Variants in OR2G2 observed in about 807,000 individuals in gnomAD.
OR2G2 encodes olfactory receptor 2G2.
For missense variants in OR2G2, 460 were observed against 389.7 expected (o/e 1.18, Z -1.52); for synonymous variants, 176 against 152.4 (o/e 1.16, Z -1.14).
At position 247,588,665 on chromosome 1, in the gene OR2G2, T is replaced by A; in HGVS notation, c.306T>A (p.Val102=). The A allele has an allele frequency of 1.2e-6, 2 of 1,614,212 alleles. No individual in the cohort carries two copies. The highest frequency in any genetic ancestry group is 3.3e-5 in the Admixed American group (2 of 60,030). Residue 102 remains valine, a synonymous_variant, in exon 1 of 1, where the codon GTT becomes GTA. Transcript: ENST00000320065. Reference sequence around the variant, plus strand: ...CTATCGCCTATGGTGGCTGTTTGGTTCACCTTTACAACTCCCATGCCCTGG... The same window carrying A: ...CTATCGCCTATGGTGGCTGTTTGGTACACCTTTACAACTCCCATGCCCTGG... ...MKTIAYGGCL[V]HLYNSHALGS...
In OR2G2 at chr1:247,588,749, C is replaced by T. The variant is rs759903518; in HGVS notation, c.390C>T (p.Cys130=). The T allele has an allele frequency of 4.3e-6, 7 of 1,614,184 alleles. No individual in the cohort carries two copies. The highest frequency in any genetic ancestry group is 5.9e-6 in the Non-Finnish European group (7 of 1,180,034). The change falls in exon 1 of 1, where the codon TGC becomes TGT. Residue 130 remains cysteine (C), a synonymous_variant. Transcript: ENST00000320065. ...CCTGTGACCGCTATGTGGCTGTCTG[C>T]CGTCCTCTCCATTACACTGTCTTAA... ...VMSCDRYVAV[C]RPLHYTVLMH...
rs752602223 is a variant in OR2G2, at chr1:247,588,923, C to G, written c.564C>G (p.Ile188Met). ...DHFICEVPVL[I>M]KLACVGTTFN... is the part of the protein sequence containing the mutation. ...TCATCTGCGAGGTCCCTGTGCTCAT[C>G]AAGCTGGCTTGTGTGGGCACCACGT... is the stretch of plus-strand genomic sequence containing the variant. Residue 188 changes from isoleucine (I) to methionine (M), a missense_variant, in exon 1 of 1, where the codon ATC becomes ATG. Ile to Met is a conservative substitution (Grantham distance 10, BLOSUM62 1). Transcript: ENST00000320065. 6.2e-7 allele frequency: 1 copy of G among 1,614,262 alleles called. No homozygotes were observed. Among genetic ancestry groups the G allele is most frequent in the South Asian group, 1.1e-5 (1 of 91,088 alleles).
In OR2G2 at chr1:247,589,208, G is replaced by A; in HGVS notation, c.849G>A (p.Val283=). The change falls in exon 1 of 1, where the codon GTG becomes GTA. Residue 283 remains valine (V), a synonymous_variant. Transcript: ENST00000320065. ...QGKFVSLFYT[V]VTRMLNPLIY... ...AGTTTGTTTCTCTCTTCTACACTGT[G>A]GTAACCCGCATGCTTAACCCTCTTA... 1 of 1,613,972 alleles carries A rather than the reference G, an allele frequency of 6.2e-7. No individual in the cohort carries two copies. The highest frequency in any genetic ancestry group is 8.5e-7 in the Non-Finnish European group (1 of 1,179,952).
Position 247,588,686 on chromosome 1 carries a change from C to T in OR2G2, c.327C>T (p.Ala109=). 6.2e-7 allele frequency: 1 copy of T among 1,614,154 alleles called. No individual in the cohort carries two copies. Among genetic ancestry groups the T allele is most frequent in the Non-Finnish European group, 8.5e-7 (1 of 1,180,000 alleles). Residue 109 remains alanine, a synonymous_variant, in exon 1 of 1, where the codon GCC becomes GCT. Transcript: ENST00000320065. ...TGGTTCACCTTTACAACTCCCATGC[C>T]CTGGGATCCACTGAGTGCGTCCTCC... The part of the protein sequence containing the change: ...GCLVHLYNSH[A]LGSTECVLPA...
Position 247,588,617 on chromosome 1 carries a change from A to T in OR2G2, c.258A>T (p.Val86=), listed in dbSNP as rs755530080. The change falls in exon 1 of 1, where the codon GTA becomes GTT. Residue 86 remains valine, a synonymous_variant. Transcript: ENST00000320065. ...GCAGTGTTATTCCCCAGCTCCTGGT[A>T]AACCTGTGGGAACCCATGAAAACTA... ...FTSSVIPQLL[V]NLWEPMKTIA... 92 of 1,614,010 alleles carry T rather than the reference A, an allele frequency of 5.7e-5. No individual in the cohort carries two copies. The highest frequency in any genetic ancestry group is 7.7e-5 in the Non-Finnish European group (91 of 1,180,032).
Position 247,588,675 on chromosome 1 carries a change from A to G in OR2G2, c.316A>G (p.Asn106Asp). 1 of 1,614,182 alleles carries G rather than the reference A, an allele frequency of 6.2e-7. No homozygotes were observed. Among genetic ancestry groups the G allele is most frequent in the Non-Finnish European group, 8.5e-7 (1 of 1,180,032 alleles). The change falls in exon 1 of 1, where the codon AAC (asparagine) becomes GAC (aspartate). Residue 106 changes from asparagine (N) to aspartate (D), a missense_variant. Coordinates refer to ENST00000320065, the MANE Select transcript of OR2G2 (RefSeq NM_001001915.1). ...TGGTGGCTGTTTGGTTCACCTTTAC[A>G]ACTCCCATGCCCTGGGATCCACTGA... ...AYGGCLVHLY[N>D]SHALGSTECV...
Position 247,589,168 on chromosome 1 carries a change from C to G in OR2G2, c.809C>G (p.Ser270Cys), listed in dbSNP as rs1669090249. The G allele has an allele frequency of 6.2e-7, 1 of 1,613,978 alleles. No individual in the cohort carries two copies. Among genetic ancestry groups the G allele is most frequent in the African/African-American group, 1.3e-5 (1 of 74,904 alleles). Reference sequence around the variant, plus strand: ...TATCTGCAGCCAGCCAAGAGTAGATCCAGGGACCAGGGCAAGTTTGTTTCT... The same window carrying G: ...TATCTGCAGCCAGCCAAGAGTAGATGCAGGGACCAGGGCAAGTTTGTTTCT... The part of the protein sequence containing the change: ...FMYLQPAKSR[S>C]RDQGKFVSLF... Residue 270 changes from serine (S) to cysteine (C), a missense_variant, in exon 1 of 1, where the codon TCC becomes TGC. By Grantham distance (112) the Ser-to-Cys change is moderately radical (BLOSUM62 -1). Coordinates refer to ENST00000320065, the MANE Select transcript of OR2G2 (RefSeq NM_001001915.1).
chr1:247,588,818 C>T lies in OR2G2; in HGVS notation c.459C>T (p.Leu153=). ...LCMALASMAW[L]SGIATTLVQS... ...TGGCCTTGGCATCTATGGCATGGCT[C>T]AGTGGAATAGCCACCACCCTGGTAC... The change falls in exon 1 of 1, where the codon CTC becomes CTT. Residue 153 remains leucine (L), a synonymous_variant. Coordinates refer to ENST00000320065, the MANE Select transcript of OR2G2 (RefSeq NM_001001915.1). The T allele has an allele frequency of 6.2e-7, 1 of 1,614,172 alleles. No homozygotes were observed. The highest frequency in any genetic ancestry group is 8.5e-7 in the Non-Finnish European group (1 of 1,180,034).
At position 247,589,267 on chromosome 1, in the gene OR2G2, C is replaced by G; in HGVS notation, c.908C>G (p.Ala303Gly). The G allele has an allele frequency of 1.2e-6, 2 of 1,607,904 alleles. No individual in the cohort carries two copies. The highest frequency in any genetic ancestry group is 2.2e-5 in the South Asian group (2 of 89,742). ...TTGAGGATCAAGGAGGTGAAAGGGG[C>G]ATTAAAGAAAGTTCTAGCAAAGGCT... ...YTLRIKEVKGALKKVLAKALG... is the reference protein window; with the variant it reads ...YTLRIKEVKGGLKKVLAKALG... The change falls in exon 1 of 1, where the codon GCA becomes GGA. Residue 303 changes from alanine (A) to glycine (G), a missense_variant. Coordinates refer to ENST00000320065, the MANE Select transcript of OR2G2 (RefSeq NM_001001915.1).
chr1:247,588,680 C>T lies in OR2G2; in HGVS notation c.321C>T (p.Ser107=), dbSNP rs369713534. 1.2e-6 allele frequency: 2 copies of T among 1,614,054 alleles called. No homozygotes were observed. The highest frequency in any genetic ancestry group is 8.5e-7 in the Non-Finnish European group (1 of 1,180,012). Residue 107 remains serine (S), a synonymous_variant, in exon 1 of 1, where the codon TCC becomes TCT. Coordinates refer to ENST00000320065, the MANE Select transcript of OR2G2 (RefSeq NM_001001915.1). ...GCTGTTTGGTTCACCTTTACAACTC[C>T]CATGCCCTGGGATCCACTGAGTGCG... ...YGGCLVHLYN[S]HALGSTECVL...
rs1480677402 is a variant in OR2G2, at chr1:247,588,592, G to T, written c.233G>T (p.Ser78Ile). The part of the protein sequence containing the change: ...HLSFLYRCFT[S>I]SVIPQLLVNL... ...TCCTTCCTGTACCGCTGCTTCACCA[G>T]CAGTGTTATTCCCCAGCTCCTGGTA... The change falls in exon 1 of 1, where the codon AGC (serine) becomes ATC (isoleucine). Residue 78 changes from serine to isoleucine, a missense_variant. By Grantham distance (142) the Ser-to-Ile change is moderately radical. Coordinates refer to ENST00000320065, the MANE Select transcript of OR2G2 (RefSeq NM_001001915.1). The T allele has an allele frequency of 2.5e-6, 4 of 1,614,140 alleles. No homozygotes were observed. Among genetic ancestry groups the T allele is most frequent in the Non-Finnish European group, 3.4e-6 (4 of 1,180,016 alleles).
In OR2G2 at chr1:247,588,910, T is replaced by C. The variant is rs1299254510; in HGVS notation, c.551T>C (p.Val184Ala). ...CAAGTGGATCATTTCATCTGCGAGGTCCCTGTGCTCATCAAGCTGGCTTGT... is the reference window on the plus strand; with the variant it reads ...CAAGTGGATCATTTCATCTGCGAGGCCCCTGTGCTCATCAAGCTGGCTTGT... ...HRQVDHFICEVPVLIKLACVG... is the reference protein window; with the variant it reads ...HRQVDHFICEAPVLIKLACVG... Residue 184 changes from valine (V) to alanine (A), a missense_variant, in exon 1 of 1, where the codon GTC becomes GCC. By Grantham distance (64) the Val-to-Ala change is moderately conservative. Coordinates refer to ENST00000320065, the MANE Select transcript of OR2G2 (RefSeq NM_001001915.1). The C allele has an allele frequency of 1.2e-6, 2 of 1,614,180 alleles. No homozygotes were observed. The highest frequency in any genetic ancestry group is 3.3e-5 in the Admixed American group (2 of 60,018).
Position 247,588,638 on chromosome 1 carries a change from A to T in OR2G2, c.279A>T (p.Lys93Asn). The T allele has an allele frequency of 6.2e-7, 1 of 1,614,082 alleles. No individual in the cohort carries two copies. Among genetic ancestry groups the T allele is most frequent in the South Asian group, 1.1e-5 (1 of 91,070 alleles). ...TGGTAAACCTGTGGGAACCCATGAA[A>T]ACTATCGCCTATGGTGGCTGTTTGG... ...QLLVNLWEPMKTIAYGGCLVH... is the reference protein window; with the variant it reads ...QLLVNLWEPMNTIAYGGCLVH... Residue 93 changes from lysine (K) to asparagine (N), a missense_variant, in exon 1 of 1, where the codon AAA becomes AAT. Lys to Asn is a moderately conservative substitution (Grantham distance 94). Coordinates refer to ENST00000320065, the MANE Select transcript of OR2G2 (RefSeq NM_001001915.1).
rs1296962185 is a variant in OR2G2 at position 247,588,608 on chromosome 1, G to A, written c.249G>A (p.Gln83=). Residue 83 remains glutamine (Q), a synonymous_variant, in exon 1 of 1, where the codon CAG becomes CAA. Coordinates refer to ENST00000320065, the MANE Select transcript of OR2G2 (RefSeq NM_001001915.1). ...GCTTCACCAGCAGTGTTATTCCCCA[G>A]CTCCTGGTAAACCTGTGGGAACCCA... ...YRCFTSSVIP[Q]LLVNLWEPMK... is the part of the protein sequence containing the mutation. The A allele has an allele frequency of 6.2e-7, 1 of 1,614,102 alleles. No homozygotes were observed. Among genetic ancestry groups the A allele is most frequent in the Non-Finnish European group, 8.5e-7 (1 of 1,180,030 alleles).
Position 247,588,579 on chromosome 1 carries a change from C to T in OR2G2, c.220C>T (p.Arg74Cys), listed in dbSNP as rs142325527. 1.6e-5 allele frequency: 26 copies of T among 1,614,024 alleles called. No individual in the cohort carries two copies. The highest frequency in any genetic ancestry group is 1.1e-4 in the East Asian group (5 of 44,882). The change falls in exon 1 of 1, where the codon CGC (arginine) becomes TGC (cysteine). Residue 74 changes from arginine to cysteine, a missense_variant. By Grantham distance (180) the Arg-to-Cys change is radical (BLOSUM62 -3). Transcript: ENST00000320065. ...CCTTTCTCATCTCTCCTTCCTGTAC[C>T]GCTGCTTCACCAGCAGTGTTATTCC... is the stretch of plus-strand genomic sequence containing the variant. ...FFLSHLSFLY[R>C]CFTSSVIPQL...
rs751096514 is a variant in OR2G2 at position 247,589,180 on chromosome 1, G to A, written c.821G>A (p.Gly274Asp). The change falls in exon 1 of 1, where the codon GGC becomes GAC. Residue 274 changes from glycine (G) to aspartate (D), a missense_variant. Gly to Asp is a moderately conservative substitution (Grantham distance 94, BLOSUM62 -1). Coordinates refer to ENST00000320065, the MANE Select transcript of OR2G2 (RefSeq NM_001001915.1). ...QPAKSRSRDQGKFVSLFYTVV... is the reference protein window; with the variant it reads ...QPAKSRSRDQDKFVSLFYTVV... Reference sequence around the variant, plus strand: ...GCCAAGAGTAGATCCAGGGACCAGGGCAAGTTTGTTTCTCTCTTCTACACT... The same window carrying A: ...GCCAAGAGTAGATCCAGGGACCAGGACAAGTTTGTTTCTCTCTTCTACACT... 5.6e-6 allele frequency: 9 copies of A among 1,613,940 alleles called. No individual in the cohort carries two copies. The highest frequency in any genetic ancestry group is 4.0e-5 in the African/African-American group (3 of 74,886).
At position 247,589,307 on chromosome 1, in the gene OR2G2, T is replaced by C; in HGVS notation, c.948T>C (p.Ile316=). ...KVLAKALGVN[I]L is the part of the protein sequence containing the mutation. Reference sequence around the variant, plus strand: ...TAGCAAAGGCTCTGGGAGTAAATATTTTATGATTATTAAAAAAAAATTTAA... The same window carrying C: ...TAGCAAAGGCTCTGGGAGTAAATATCTTATGATTATTAAAAAAAAATTTAA... The change falls in exon 1 of 1, where the codon ATT becomes ATC. Residue 316 remains isoleucine (I), a synonymous_variant. Transcript: ENST00000320065. 6.6e-7 allele frequency: 1 copy of C among 1,505,692 alleles called. No homozygotes were observed. Among genetic ancestry groups the C allele is most frequent in the East Asian group, 2.3e-5 (1 of 43,176 alleles). The allele number at this position is 1,505,692 out of a possible 1,614,324, so 93.3% of individuals were successfully genotyped here.
rs1254614797 is a variant in OR2G2 at position 247,588,802 on chromosome 1, C to G, written c.443C>G (p.Ala148Gly). 6.2e-7 allele frequency: 1 copy of G among 1,614,184 alleles called. No individual in the cohort carries two copies. Among genetic ancestry groups the G allele is most frequent in the Non-Finnish European group, 8.5e-7 (1 of 1,180,044 alleles). ...CATATCCATCTCTGCATGGCCTTGG[C>G]ATCTATGGCATGGCTCAGTGGAATA... ...LMHIHLCMAL[A>G]SMAWLSGIAT... The change falls in exon 1 of 1, where the codon GCA (alanine) becomes GGA (glycine). Residue 148 changes from alanine to glycine, a missense_variant. Coordinates refer to ENST00000320065, the MANE Select transcript of OR2G2 (RefSeq NM_001001915.1).
Position 247,588,589 on chromosome 1 carries a change from C to T in OR2G2, c.230C>T (p.Thr77Ile), listed in dbSNP as rs1448609814. ...CTCTCCTTCCTGTACCGCTGCTTCA[C>T]CAGCAGTGTTATTCCCCAGCTCCTG... ...SHLSFLYRCF[T>I]SSVIPQLLVN... The change falls in exon 1 of 1, where the codon ACC becomes ATC. Residue 77 changes from threonine to isoleucine, a missense_variant. Physicochemically the swap from Thr to Ile is moderately conservative, Grantham distance 89. Transcript: ENST00000320065. The T allele has an allele frequency of 1.9e-6, 3 of 1,614,022 alleles. No homozygotes were observed. Among genetic ancestry groups the T allele is most frequent in the Middle Eastern group, 1.6e-4 (1 of 6,084 alleles).
Sources: allele counts gnomAD v4.1 joint callset, GRCh38; gene constraint gnomAD v4.1.1; transcripts MANE v1.5; gene names NCBI Gene and HGNC (gene_info 2026-07-23, HGNC 2026-07-21).